TMTC4: variants seen among roughly 807,000 people sequenced by gnomAD.
TMTC4 encodes protein O-mannosyl-transferase TMTC4.
A neutral mutation model predicts 86.0 loss-of-function variants in TMTC4; 65 were observed. That is an observed-to-expected ratio of 0.76 (90% CI 0.62 to 0.93). The LOEUF (loss-of-function observed/expected upper bound fraction) is 0.93. Ranked by LOEUF, TMTC4 falls within the 40% of genes least tolerant of loss-of-function variation. The pLI is 0.00. For missense variants in TMTC4, 866 were observed against 948.1 expected (o/e 0.91, Z 1.14); for synonymous variants, 379 against 382.5 (o/e 0.99, Z 0.11).
chr13:100,640,021 T>C (rs1882808907), intron 7 of TMTC4, among the ~76,000 whole-genome samples: 1 of 151,934 alleles, frequency 6.6e-6, no homozygotes, highest in Non-Finnish European at 1.5e-5. Flanking sequence ...ACCTTGTAGA[T>C]GGAAATTCCG....
intron 15 of TMTC4, chr13:100,623,853 G>T: frequency 2.1e-6 from 1 of 474,260 alleles, no homozygotes; most frequent in Non-Finnish European, 4.2e-6. Flanking sequence ...TGACAGCACT[G>T]TTTTCCTCTT....
chr13:100,622,006 C>A (rs2138778945), intron 15 of TMTC4, among the ~76,000 whole-genome samples: 1 of 152,300 alleles, frequency 6.6e-6, no homozygotes, highest in South Asian at 2.1e-4. Flanking sequence ...CCCCTGGGAA[C>A]AAACAGCCGA....
intron 12 of TMTC4, among the ~76,000 whole-genome samples, chr13:100,627,027 C>G (rs1880652492): frequency 6.6e-6 from 1 of 152,208 alleles, no homozygotes; most frequent in African/African-American, 2.4e-5. Flanking sequence ...AGACGACCGT[C>G]TGTGAACCAG....
chr13:100,626,893 A>T (rs1289274162), intron 12 of TMTC4, among the ~76,000 whole-genome samples: 1 of 152,212 alleles, frequency 6.6e-6, no homozygotes, highest in African/African-American at 2.4e-5. Context: ...GGTATTGGGA[A>T]GTAGGGCCTC....
chr13:100,652,802 T>C (rs966480785), intron 6 of TMTC4, among the ~76,000 whole-genome samples: 1 of 152,220 alleles, frequency 6.6e-6, no homozygotes, highest in Non-Finnish European at 1.5e-5. Context: ...TTCTGAATCA[T>C]GGAAGCTTTA....
chr13:100,655,556 A>T (rs1885004801), intron 6 of TMTC4, among the ~76,000 whole-genome samples: 2 of 152,180 alleles, frequency 1.3e-5, no homozygotes, highest in South Asian at 4.1e-4. Flanking sequence ...CAACCTCGCC[A>T]GGTCTCTGGC....
intron 5 of TMTC4, among the ~76,000 whole-genome samples, chr13:100,660,572 C>A (rs1885648293): frequency 6.6e-6 from 1 of 152,072 alleles, no homozygotes; most frequent in Non-Finnish European, 1.5e-5. Context: ...GGGGCTGGCT[C>A]CTCGGTGTTG....
chr13:100,624,361 A>AAAAT (rs1555341030), intron 15 of TMTC4: 3 of 149,838 alleles, frequency 2.0e-5, no homozygotes, highest in African/African-American at 7.3e-5. Flanking sequence ...AAATAAAAAA[A>AAAAT]AAATAAAAAA....
At chr13:100,651,673 T>C (rs967936340) in intron 6 of TMTC4, among the ~76,000 whole-genome samples, 21 of 152,224 alleles carry the variant, frequency 1.4e-4, no homozygotes, top group African/African-American at 5.1e-4. Flanking sequence ...TTAATGATGT[T>C]ACCAAAAAAA....
chr13:100,636,434 G>C (rs9518119), intron 10 of TMTC4, 98 bp downstream of exon 10: 256,057 of 1,391,650 alleles, frequency 0.18, 25,976 homozygotes, highest in Admixed American at 0.27. Context: ...GTCCTTAGAC[G>C]TGACTTCCAC....
At position 100,668,771 on chromosome 13, in the gene TMTC4, T is replaced by G. The variant is rs1267644621; in HGVS notation, c.27A>C (p.Gly9=). The part of the protein sequence containing the change: MIPNQHNA[G]AGSHQPAVFR... ...AAACTGCAGGTTGGTGGCTCCCGGC[T>G]CCAGCATTATGCTGGTTAGGAATCT... Residue 9 remains glycine (G), a synonymous_variant, in exon 3 of 19, where the codon GGA becomes GGC. Coordinates refer to ENST00000342624, the MANE Select transcript of TMTC4 (RefSeq NM_032813.5). The G allele has an allele frequency of 1.2e-6, 2 of 1,614,082 alleles. No individual in the cohort carries two copies. The highest frequency in any genetic ancestry group is 2.7e-5 in the African/African-American group (2 of 74,930).
chr13:100,614,847 C>T, intron 15 of TMTC4: 1 of 880,526 alleles, frequency 1.1e-6, no homozygotes, highest in Non-Finnish European at 1.4e-6. Context: ...CTAAAGACTT[C>T]ATAAGTTCAT....
chr13:100,615,844 C>T (rs1432373585), intron 15 of TMTC4, among the ~76,000 whole-genome samples: 1 of 152,180 alleles, frequency 6.6e-6, no homozygotes, highest in African/African-American at 2.4e-5. Context: ...AGAAATGATC[C>T]TGTCATCCAG....
chr13:100,629,277 A>C (rs1040767038), intron 12 of TMTC4, among the ~76,000 whole-genome samples: 2 of 152,220 alleles, frequency 1.3e-5, no homozygotes, highest in Non-Finnish European at 2.9e-5. Flanking sequence ...AACTCACTCA[A>C]TCAGAAGCAT....
At chr13:100,636,406 T>C in intron 10 of TMTC4, 126 bp downstream of exon 10, 1 of 1,137,178 alleles carries the variant, frequency 8.8e-7, no homozygotes, top group Non-Finnish European at 1.3e-6. Context: ...TAGCCATAAA[T>C]ATGCATTTGA....
chr13:100,645,409 C>T (rs1175853835), intron 6 of TMTC4, among the ~76,000 whole-genome samples: 1 of 152,218 alleles, frequency 6.6e-6, no homozygotes, highest in Non-Finnish European at 1.5e-5. Context: ...AGGCAGGTCT[C>T]TCTGCAATTC....
intron 3 of TMTC4, 61 bp downstream of exon 3, chr13:100,668,518 A>T: frequency 6.6e-7 from 1 of 1,509,100 alleles, no homozygotes; most frequent in Non-Finnish European, 9.1e-7. Flanking sequence ...ACACATACTT[A>T]GATGATTACT....
chr13:100,665,479 G>A (rs1886280648), intron 3 of TMTC4, among the ~76,000 whole-genome samples: 1 of 152,220 alleles, frequency 6.6e-6, no homozygotes, highest in Non-Finnish European at 1.5e-5. Flanking sequence ...GAAAGCCAGG[G>A]CAGGGCCACG....
At position 100,635,206 on chromosome 13, in the gene TMTC4, A is replaced by G; in HGVS notation, c.1203-11T>C. On this transcript the variant is annotated splice_polypyrimidine_tract_variant and intron_variant, in intron 10 of 18. Transcript: ENST00000342624. ...CCCAGAGTAAGGATCCTGGATGATG[A>G]AAAGTATTTAAATAAATGGCTATTT... is the stretch of plus-strand genomic sequence containing the variant. The G allele has an allele frequency of 6.4e-7, 1 of 1,553,380 alleles. No individual in the cohort carries two copies. The highest frequency in any genetic ancestry group is 2.4e-5 in the East Asian group (1 of 42,544).
Sources: gnomAD v4.1 joint callset for allele counts (sites outside exome capture counted in the v4.1 genomes callset) on GRCh38, gnomAD v4.1.1 for gene constraint, MANE v1.5 for transcripts, NCBI Gene and HGNC (gene_info 2026-07-23, HGNC 2026-07-21) for gene names.